The following PSMA6 variants were observed in gnomAD, a reference collection of about 807,000 sequenced individuals.
The protein encoded by PSMA6 is proteasome subunit alpha type-6.
For missense variants in PSMA6, 170 were observed against 294.8 expected, an observed-to-expected ratio of 0.58 and a Z score of 3.10; for synonymous variants, 88 against 97.7, an observed-to-expected ratio of 0.90 and a Z score of 0.59.
intron 2 of PSMA6, 55 bp from the exon 3 acceptor site, chr14:35,308,859 A>T: frequency 7.6e-7 from 1 of 1,314,826 alleles, no homozygotes; most frequent in Non-Finnish European, 1.1e-6. Context: ...TTTTATAACT[A>T]CACAGAAACC....
intron 1 of PSMA6, 55 bp from the exon 2 acceptor site, chr14:35,307,939 T>G: frequency 6.6e-7 from 1 of 1,520,466 alleles, no homozygotes; most frequent in Admixed American, 1.7e-5. Flanking sequence ...ATTATTTCAT[T>G]GCAAGAATCT....
At chr14:35,314,647 G>A (rs763094520) in intron 6 of PSMA6, 192 bp downstream of exon 6, 1 of 563,170 alleles carries the variant, frequency 1.8e-6, no homozygotes, top group Non-Finnish European at 2.6e-6. Flanking sequence ...AGATATGAAA[G>A]CTTTTCTCCT....
intron 5 of PSMA6, chr14:35,313,801 A>G (rs1245833365): frequency 6.6e-6 from 1 of 152,252 alleles, no homozygotes; most frequent in Non-Finnish European, 1.5e-5. Context: ...TCTATGAAAA[A>G]TACAAAAATT....
chr14:35,284,234 C>A (rs919104173), intron 1 of PSMA6, among the ~76,000 whole-genome samples: 1 of 151,994 alleles, frequency 6.6e-6, no homozygotes, highest in African/African-American at 2.4e-5. Context: ...GATCTTTTTT[C>A]TTCCTCTGCT....
At chr14:35,314,258 A>C (rs2051997049) in intron 5 of PSMA6, 103 bp from the exon 6 acceptor site, 5 of 1,282,100 alleles carry the variant, frequency 3.9e-6, no homozygotes, top group Non-Finnish European at 5.1e-6. Flanking sequence ...CCTCATTGAA[A>C]CATGGAGCTC....
chr14:35,295,470 A>T (rs1336848496), intron 1 of PSMA6, among the ~76,000 whole-genome samples: 3 of 144,260 alleles, frequency 2.1e-5, no homozygotes, highest in African/African-American at 7.7e-5. Context: ...TTTCCCTTTG[A>T]GACAGAGTTG....
At chr14:35,314,479 G>A (rs753884295) in intron 6 of PSMA6, 24 bp downstream of exon 6, 1 of 1,601,306 alleles carries the variant, frequency 6.2e-7, no homozygotes. Flanking sequence ...TGGGCCACAT[G>A]CAGACTAGAA....
chr14:35,298,493 AAAAG>A (rs1350748339), intron 1 of PSMA6, among the ~76,000 whole-genome samples: 2 of 151,966 alleles, frequency 1.3e-5, no homozygotes, highest in Non-Finnish European at 2.9e-5. Flanking sequence ...CCATCTCAAA[AAAAG>A]AAAAAAAAAA....
chr14:35,314,992 CACTA>C (rs1308991143), intron 6 of PSMA6: 3 of 113,278 alleles, frequency 2.6e-5, no homozygotes, highest in African/African-American at 1.1e-4. Context: ...TGTTCTTACT[CACTA>C]AGTGACTAAC....
At chr14:35,314,714 T>A (rs989874865) in intron 6 of PSMA6, 4 of 244,536 alleles carry the variant, frequency 1.6e-5, no homozygotes, top group African/African-American at 9.1e-5. Flanking sequence ...ACCTTCCTTA[T>A]GTAAGGAAAA....
chr14:35,278,754 AC>A (rs2051332790), intron 1 of PSMA6: 2 of 1,528,500 alleles, frequency 1.3e-6, no homozygotes, highest in Non-Finnish European at 1.8e-6. Flanking sequence ...CTTGAGATGT[AC>A]TATATTACTG....
At chr14:35,290,994 A>ATTTTTTTTTTT, upstream of PSMA6, among the ~76,000 whole-genome samples, 1 of 147,026 alleles carries the variant, frequency 6.8e-6, no homozygotes, top group Non-Finnish European at 1.5e-5. Flanking sequence ...TCAGTTCCAC[A>ATTTTTTTTTTT]TTTTTTTTTT....
intron 6 of PSMA6, chr14:35,315,908 A>G (rs1351502416): frequency 6.6e-6 from 1 of 152,184 alleles, no homozygotes; most frequent in Non-Finnish European, 1.5e-5. Context: ...TAGTAAATAT[A>G]TGTAAATAAT....
upstream of PSMA6, among the ~76,000 whole-genome samples, chr14:35,290,354 CAAGAGGAGTTGGT>C (rs2051464226): frequency 6.6e-6 from 1 of 152,052 alleles, no homozygotes; most frequent in South Asian, 2.1e-4. Flanking sequence ...TTCAAAAGGT[CAAGAGGAGTTGGT>C]CCTGAGAGTA....
chr14:35,300,928 T>C (rs1392967210), intron 1 of PSMA6, among the ~76,000 whole-genome samples: 3 of 152,206 alleles, frequency 2.0e-5, no homozygotes, highest in Non-Finnish European at 4.4e-5. Flanking sequence ...AGGAAGAGTT[T>C]ATTTTTAGAC....
At chr14:35,285,990 A>G (rs547560818) in intron 1 of PSMA6, among the ~76,000 whole-genome samples, 1 of 152,362 alleles carries the variant, frequency 6.6e-6, no homozygotes, top group South Asian at 2.1e-4. Flanking sequence ...GGATAGATCA[A>G]AGCGAAATAG....
chr14:35,287,944 C>T (rs543653881), upstream of PSMA6, among the ~76,000 whole-genome samples: 10 of 152,226 alleles, frequency 6.6e-5, 1 homozygote, highest in South Asian at 2.1e-3. Flanking sequence ...ATGGAATTGG[C>T]AAACGTTTTG....
At chr14:35,288,273 G>A (rs1459159864), upstream of PSMA6, among the ~76,000 whole-genome samples, 6 of 152,180 alleles carry the variant, frequency 3.9e-5, no homozygotes, top group Admixed American at 2.0e-4. Context: ...CGAGGTAGGC[G>A]GATCACTTGA....
intron 1 of PSMA6, among the ~76,000 whole-genome samples, chr14:35,306,910 G>A (rs530299628): frequency 4.6e-5 from 7 of 152,274 alleles, no homozygotes; most frequent in African/African-American, 1.7e-4. Flanking sequence ...ACTTTGGGAG[G>A]CCGAGGTGGG....
Sources: gnomAD v4.1 joint callset for allele counts (sites outside exome capture counted in the v4.1 genomes callset) on GRCh38, gnomAD v4.1.1 for gene constraint, MANE v1.5 for transcripts, NCBI Gene and HGNC (gene_info 2026-07-23, HGNC 2026-07-21) for gene names.